CTNNA2: variants seen among roughly 807,000 people sequenced by gnomAD.
CTNNA2 encodes the protein catenin alpha 2, also known as catenin alpha-2.
In CTNNA2, 42 loss-of-function variants were observed where a neutral mutation model predicts 101.0. The ratio of observed to expected loss-of-function variants is 0.42; its 90% CI spans 0.32 to 0.54. The LOEUF is 0.54. Ranked by LOEUF, CTNNA2 falls within the 20% of genes least tolerant of loss-of-function variation. The probability of loss-of-function intolerance (pLI) is 0.14; values close to 1 mark genes in which losing one functional copy is unlikely to be tolerated. For synonymous variants in CTNNA2, 450 were observed against 456.4 expected, an observed-to-expected ratio of 0.99 and a Z score of 0.18; for missense variants, 871 against 1,223.1, an observed-to-expected ratio of 0.71 and a Z score of 4.29.
At position 80,302,173 on chromosome 2, in the gene CTNNA2, C is replaced by A; in HGVS notation, c.1057-91038C>A. On this transcript the variant is annotated intron_variant, in intron 7 of 18. Transcript: ENST00000402739. The surrounding 1 kb of genome is among the most constrained non-coding windows in gnomAD (Gnocchi z 6.4). ...CATATCAGAGCACAGACAAGGAGAC[C>A]CCAGCCTGGTGCCCGCCGGCCCGTC... 1 of 1,542,900 alleles carries A rather than the reference C, an allele frequency of 6.5e-7. No homozygotes were observed. Among genetic ancestry groups the A allele is most frequent in the Non-Finnish European group, 8.7e-7 (1 of 1,143,408 alleles).
chr2:79,799,807 A>G (rs747809482), intron 3 of CTNNA2, among the ~76,000 whole-genome samples: 5 of 152,238 alleles, frequency 3.3e-5, no homozygotes, highest in Non-Finnish European at 5.9e-5. Context: ...GGTAGTGATC[A>G]TTATGAAAAT....
chr2:79,340,726 G>C (rs564734468), intron 3 of CTNNA2, among the ~76,000 whole-genome samples: 12 of 151,570 alleles, frequency 7.9e-5, no homozygotes, highest in East Asian at 2.0e-4. Flanking sequence ...CCCAGCTACT[G>C]GGGAGGCTGA....
chr2:80,620,257 T>G (rs1220203846), intron 18 of CTNNA2, among the ~76,000 whole-genome samples: 1 of 151,744 alleles, frequency 6.6e-6, no homozygotes, highest in Non-Finnish European at 1.5e-5. Context: ...CATCCCTTTT[T>G]TTTTTCCTAA....
intron 1 of CTNNA2, among the ~76,000 whole-genome samples, chr2:79,538,761 A>C (rs1275102643): frequency 1.3e-5 from 2 of 152,212 alleles, no homozygotes; most frequent in Non-Finnish European, 1.5e-5. Flanking sequence ...ATGGTCTTAA[A>C]TGCTATTCTG....
rs928725609 is a variant in CTNNA2, at chr2:79,659,823, C to T, written c.102+8165C>T. On this transcript the variant is annotated intron_variant, in intron 2 of 18. Transcript: ENST00000402739. ...ACCAACCTGGGAAAAACAGAGAGAC[C>T]AGTCTCTACTAAAAGTTTTTAAATA... 5.3e-5 allele frequency among the ~76,000 whole-genome samples: 8 copies of T among 152,178 alleles called. No homozygotes were observed. In the East Asian group the frequency reaches 1.6e-3, roughly 30 times the overall value.
intron 6 of CTNNA2, among the ~76,000 whole-genome samples, chr2:79,877,302 A>C (rs1455539335): frequency 1.3e-5 from 2 of 152,174 alleles, no homozygotes; most frequent in African/African-American, 4.8e-5. Flanking sequence ...GTCATTTAAC[A>C]AATGCAATTT....
intron 2 of CTNNA2, among the ~76,000 whole-genome samples, chr2:79,740,719 TAGAA>T (rs1429497197): frequency 2.0e-5 from 3 of 152,192 alleles, no homozygotes; most frequent in African/African-American, 7.2e-5. Flanking sequence ...CTCTCATTGT[TAGAA>T]AGAAAAGCAA....
At chr2:79,512,693 T>A (rs1671583374), upstream of CTNNA2, among the ~76,000 whole-genome samples, 1 of 151,304 alleles carries the variant, frequency 6.6e-6, no homozygotes, top group South Asian at 2.1e-4. Flanking sequence ...ACCTGCGCCC[T>A]ACGGCGGTGC....
chr2:80,006,112 C>T (rs1207805388), intron 7 of CTNNA2, among the ~76,000 whole-genome samples: 1 of 151,848 alleles, frequency 6.6e-6, no homozygotes, highest in East Asian at 1.9e-4. Flanking sequence ...TAGTAGCTTC[C>T]TAATATTTAA....
intron 2 of CTNNA2, among the ~76,000 whole-genome samples, chr2:79,221,738 T>C (rs1484637834): frequency 6.6e-6 from 1 of 152,110 alleles, no homozygotes; most frequent in South Asian, 2.1e-4. Flanking sequence ...GTATTAGAGA[T>C]AAAAGTTTGT....
rs114992803 is a variant in CTNNA2, at chr2:79,996,742, C to T, written c.1056+86945C>T. Among the ~76,000 whole-genome samples the T allele has an allele frequency of 6.8e-3, 1,040 of 152,248 alleles. 6 individuals are homozygous for T. Among genetic ancestry groups the T allele is most frequent in the African/African-American group, 0.023 (969 of 41,560 alleles). On this transcript the variant is annotated intron_variant, in intron 7 of 18. Transcript: ENST00000402739. ...CAAATACCTGTGTGGCACTACAATG[C>T]AGTGTGGATCAGGCCCTGGAACGTG... is the stretch of plus-strand genomic sequence containing the variant.
intron 7 of CTNNA2, among the ~76,000 whole-genome samples, chr2:80,384,996 C>G (rs535700519): frequency 6.6e-6 from 1 of 152,178 alleles, no homozygotes; most frequent in Admixed American, 6.6e-5. Context: ...AAACTTATGG[C>G]TTTAAGTGCA....
At chr2:79,263,555 G>A (rs550900130) in intron 2 of CTNNA2, among the ~76,000 whole-genome samples, 24 of 152,096 alleles carry the variant, frequency 1.6e-4, no homozygotes, top group East Asian at 9.7e-4. Flanking sequence ...ACCCAGCCTC[G>A]GATATTTATT....
intron 3 of CTNNA2, among the ~76,000 whole-genome samples, chr2:79,798,794 G>A (rs1432893892): frequency 6.6e-6 from 1 of 152,078 alleles, no homozygotes; most frequent in Non-Finnish European, 1.5e-5. Flanking sequence ...TAAGACTGAG[G>A]ATATCAGACT....
Position 79,556,374 on chromosome 2 carries a change from C to T in CTNNA2, c.-6+43167C>T, listed in dbSNP as rs62140060. ...TTTTATAGTGGTGACTTGGACCTCC[C>T]TAGCAGAATGCAGCATTATGTGTAC... On this transcript the variant is annotated intron_variant, in intron 1 of 18. Transcript: ENST00000402739. 6.0e-3 allele frequency among the ~76,000 whole-genome samples: 905 copies of T among 152,088 alleles called. 7 individuals are homozygous for T. Among genetic ancestry groups the T allele is most frequent in the Non-Finnish European group, 8.6e-3 (585 of 67,904 alleles).
At chr2:79,358,484 G>A (rs1394913083) in intron 3 of CTNNA2, among the ~76,000 whole-genome samples, 2 of 152,180 alleles carry the variant, frequency 1.3e-5, no homozygotes, top group African/African-American at 4.8e-5. Flanking sequence ...ACAGGCATGA[G>A]CCACTGCGCC....
At chr2:79,873,561 G>A (rs1179970669) in intron 5 of CTNNA2, among the ~76,000 whole-genome samples, 5 of 152,156 alleles carry the variant, frequency 3.3e-5, no homozygotes, top group African/African-American at 4.8e-5. Flanking sequence ...GCCCTGTCAG[G>A]TGAAAGGGTA....
At chr2:79,996,756 C>G (rs1224474421) in intron 7 of CTNNA2, among the ~76,000 whole-genome samples, 1 of 151,740 alleles carries the variant, frequency 6.6e-6, no homozygotes, top group South Asian at 2.1e-4. Flanking sequence ...GTGGATCAGG[C>G]CCTGGAACGT....
chr2:80,228,987 A>G (rs887651010), intron 7 of CTNNA2, among the ~76,000 whole-genome samples: 1 of 152,192 alleles, frequency 6.6e-6, no homozygotes, highest in Admixed American at 6.5e-5. Flanking sequence ...CTAAGAGTAG[A>G]TAGACATTAT....
Sources: allele counts gnomAD v4.1 joint callset (sites outside exome capture counted in the v4.1 genomes callset), GRCh38; gene constraint gnomAD v4.1.1; non-coding constraint Gnocchi (gnomAD v3.1); transcripts MANE v1.5; gene names NCBI Gene and HGNC (gene_info 2026-07-23, HGNC 2026-07-21).